CYRIB: variants seen among roughly 807,000 people sequenced by gnomAD.
CYRIB encodes the protein CYFIP related Rac1 interactor B.
In CYRIB, 8 loss-of-function variants were observed where a neutral mutation model predicts 44.2. The observed-to-expected ratio is 0.18, with a 90% confidence interval of 0.11 to 0.33. CYRIB has a LOEUF of 0.33. CYRIB is among the 10% of genes least tolerant of loss of function. The pLI is 1.00. For synonymous variants in CYRIB, 131 were observed against 127.2 expected, an observed-to-expected ratio of 1.03 and a Z score of -0.20; for missense variants, 185 against 382.8, an observed-to-expected ratio of 0.48 and a Z score of 4.31.
intron 1 of CYRIB, among the ~76,000 whole-genome samples, chr8:129,933,538 C>A (rs930433386): frequency 3.3e-5 from 5 of 152,136 alleles, no homozygotes; most frequent in African/African-American, 4.8e-5. Flanking sequence ...ATGTTTTGGA[C>A]CAATTCAATG....
intron 2 of CYRIB, among the ~76,000 whole-genome samples, chr8:129,891,728 T>C (rs1042655614): frequency 1.3e-5 from 2 of 152,250 alleles, no homozygotes; most frequent in Non-Finnish European, 2.9e-5. Flanking sequence ...CGTGCCTTTA[T>C]ACAAGTCAGT....
chr8:129,852,820 C>T (rs919028516), intron 7 of CYRIB, among the ~76,000 whole-genome samples: 2 of 152,216 alleles, frequency 1.3e-5, no homozygotes, highest in East Asian at 1.9e-4. Flanking sequence ...CTGCAACCAA[C>T]GAAAGATACA....
At chr8:129,871,278 T>C in intron 4 of CYRIB, 97 bp downstream of exon 6, 3 of 1,356,012 alleles carry the variant, frequency 2.2e-6, no homozygotes, top group Non-Finnish European at 3.0e-6. Context: ...TAATACTTAA[T>C]ATGAAATATA....
At chr8:129,890,024 T>G (rs2134693814) in intron 2 of CYRIB, among the ~76,000 whole-genome samples, 1 of 152,168 alleles carries the variant, frequency 6.6e-6, no homozygotes, top group South Asian at 2.1e-4. Context: ...TCCACCCACC[T>G]CGGACTCCCA....
At chr8:129,910,040 A>C (rs2077174503) in intron 1 of CYRIB, among the ~76,000 whole-genome samples, 1 of 152,212 alleles carries the variant, frequency 6.6e-6, no homozygotes, top group African/African-American at 2.4e-5. Context: ...TCTGGACAAG[A>C]CCATGCTGTA....
At chr8:129,954,499 G>A (rs1052173503) in intron 2 of CYRIB, among the ~76,000 whole-genome samples, 3 of 148,566 alleles carry the variant, frequency 2.0e-5, no homozygotes, top group Non-Finnish European at 3.0e-5. Context: ...CTGGGATTAC[G>A]TGCTTGAGCC....
intron 1 of CYRIB, among the ~76,000 whole-genome samples, chr8:129,913,942 G>A (rs989857220): frequency 6.6e-6 from 1 of 152,114 alleles, no homozygotes; most frequent in Non-Finnish European, 1.5e-5. Context: ...AATGTAATGA[G>A]AAATGAAGGT....
At chr8:129,848,016 G>A (rs565658434) in intron 10 of CYRIB, among the ~76,000 whole-genome samples, 1 of 152,170 alleles carries the variant, frequency 6.6e-6, no homozygotes, top group Admixed American at 6.5e-5. Flanking sequence ...ATGTTGGCCA[G>A]GCTGGTCTTG....
At chr8:129,841,743 C>T in exon 12 of CYRIB, 1 of 158,656 alleles carries the variant, frequency 6.3e-6, no homozygotes, top group Non-Finnish European at 1.4e-5. Context: ...AAAAAGGCGG[C>T]AGTAGAAAAT....
chr8:129,954,809 A>C (rs1164854834), intron 2 of CYRIB, among the ~76,000 whole-genome samples: 2 of 152,166 alleles, frequency 1.3e-5, no homozygotes, highest in Non-Finnish European at 2.9e-5. Context: ...AGTCCTGTGA[A>C]ATATCTATAC....
chr8:129,888,469 A>G (rs1406026382), intron 2 of CYRIB, among the ~76,000 whole-genome samples: 1 of 152,188 alleles, frequency 6.6e-6, no homozygotes, highest in Non-Finnish European at 1.5e-5. Flanking sequence ...CTCTGGCCTC[A>G]TCTTTCTTTA....
chr8:129,973,557 G>A (rs1450121096), intron 1 of CYRIB, among the ~76,000 whole-genome samples: 1 of 152,200 alleles, frequency 6.6e-6, no homozygotes, highest in Admixed American at 6.5e-5. Context: ...GCTGAAGTCG[G>A]CTCCAGAGGA....
In CYRIB at chr8:129,872,148, A is replaced by G. The variant is rs78558602; in HGVS notation, c.74-652T>C. On this transcript the variant is annotated intron_variant, in intron 3 of 11. Coordinates refer to ENST00000519824, the Ensembl canonical transcript of CYRIB. ...ACTGAACTATTCTGCTGATGAACAG[A>G]AGGTCAAGAATCCTGTGCAGAGGAT... Among the ~76,000 whole-genome samples the G allele has an allele frequency of 4.6e-5, 7 of 152,228 alleles. No individual in the cohort carries two copies. In the East Asian group the frequency reaches 1.3e-3, roughly 29 times the overall value.
At chr8:129,910,112 G>GGGT (rs2077211356) in intron 1 of CYRIB, among the ~76,000 whole-genome samples, 2 of 152,148 alleles carry the variant, frequency 1.3e-5, no homozygotes, top group Non-Finnish European at 2.9e-5. Flanking sequence ...TGCCATAGGT[G>GGGT]CTAGTATGGG....
chr8:129,968,149 G>A (rs768555666), intron 2 of CYRIB, among the ~76,000 whole-genome samples: 4 of 152,126 alleles, frequency 2.6e-5, no homozygotes, highest in Non-Finnish European at 5.9e-5. Context: ...TTTGTTCTAA[G>A]GAGTAAATGA....
At chr8:129,938,564 T>C (rs148879500) in intron 1 of CYRIB, among the ~76,000 whole-genome samples, 10 of 152,202 alleles carry the variant, frequency 6.6e-5, no homozygotes, top group Non-Finnish European at 8.8e-5. Context: ...AATGGCACTT[T>C]GTGGTACTCC....
At chr8:129,914,278 G>T (rs1484708995) in intron 1 of CYRIB, among the ~76,000 whole-genome samples, 5 of 152,196 alleles carry the variant, frequency 3.3e-5, no homozygotes, top group African/African-American at 1.2e-4. Context: ...AGAAAGAGTT[G>T]ACTGTGAGAA....
At chr8:129,946,621 A>C (rs1386258532) in intron 2 of CYRIB, among the ~76,000 whole-genome samples, 1 of 152,222 alleles carries the variant, frequency 6.6e-6, no homozygotes, top group East Asian at 1.9e-4. Context: ...GCAACCAATC[A>C]AACTGACACC....
chr8:129,927,954 A>G (rs895153244), intron 1 of CYRIB, among the ~76,000 whole-genome samples: 4 of 152,196 alleles, frequency 2.6e-5, no homozygotes, highest in African/African-American at 9.6e-5. Flanking sequence ...ACAGGCAAAA[A>G]GTTGAACTTA....
Sources: gnomAD v4.1 joint callset for allele counts (sites outside exome capture counted in the v4.1 genomes callset) on GRCh38, gnomAD v4.1.1 for gene constraint, MANE v1.5 for transcripts, NCBI Gene and HGNC (gene_info 2026-07-23, HGNC 2026-07-21) for gene names.